Variants in POLQ observed in about 807,000 individuals in gnomAD.
POLQ encodes epididymis secretory sperm binding protein.
POLQ carries 233 observed loss-of-function variants against 259.2 expected under a neutral mutation model. That is an observed-to-expected ratio of 0.90 (90% confidence interval 0.81 to 1.00). The LOEUF is 1.00. Among genes scored for constraint, POLQ ranks in the 50% least tolerant of loss-of-function variants. The probability of loss-of-function intolerance (pLI) is 0.00; values close to 1 mark genes in which losing one functional copy is unlikely to be tolerated. For synonymous variants in POLQ, 1,025 were observed against 1,048.8 expected, an observed-to-expected ratio of 0.98 and a Z score of 0.44; for missense variants, 2,871 against 3,051.6, an observed-to-expected ratio of 0.94 and a Z score of 1.39.
chr3:121,455,592 A>T (rs1330911126), intron 25 of POLQ, among the ~76,000 whole-genome samples: 11 of 152,184 alleles, frequency 7.2e-5, no homozygotes, highest in Non-Finnish European at 1.5e-4. Flanking sequence ...ACCATCAGAG[A>T]ATACTACAAA....
chr3:121,494,398 G>C, intron 14 of POLQ: 1 of 1,561,200 alleles, frequency 6.4e-7, no homozygotes, highest in Non-Finnish European at 8.8e-7. Context: ...AGCTGCTTAA[G>C]CTGGCCCACA....
intron 25 of POLQ, among the ~76,000 whole-genome samples, chr3:121,458,373 C>T (rs541878080): frequency 6.6e-6 from 1 of 151,708 alleles, no homozygotes; most frequent in East Asian, 1.9e-4. Context: ...TACCCTAAAA[C>T]TTAAAGTATA....
In POLQ at chr3:121,544,737, T is replaced by A. The variant is rs769590710; in HGVS notation, c.333A>T (p.Leu111Phe). Residue 111 changes from leucine to phenylalanine, a missense_variant, in exon 2 of 30, where the codon TTA (leucine) becomes TTT (phenylalanine). This residue lies in a region of POLQ where 783 missense variants were observed against 906.2 expected (regional missense o/e 0.86). Transcript: ENST00000264233. ...LLGQVLEGKN[L>F]VYSAPTSAGK... ...CATAAATTTGGATACCTGAATAAAC[T>A]AAATTCTTTCCTTCCAGGACTTGTC... is the stretch of plus-strand genomic sequence containing the variant. 8 of 1,607,196 alleles carry A rather than the reference T, an allele frequency of 5.0e-6. No individual in the cohort carries two copies. The South Asian group carries it at 8.8e-5, about 18-fold the overall frequency.
chr3:121,514,888 C>T (rs1339285380), intron 9 of POLQ, among the ~76,000 whole-genome samples: 4 of 152,260 alleles, frequency 2.6e-5, no homozygotes, highest in South Asian at 2.1e-4. Context: ...CCAGGCCCAG[C>T]GTCAAAGCTC....
intron 16 of POLQ, 130 bp from the exon 17 acceptor site, chr3:121,485,314 G>A: frequency 1.8e-6 from 1 of 558,714 alleles, no homozygotes; most frequent in Admixed American, 3.6e-5. Flanking sequence ...TATGCATTTG[G>A]ACAGTCATTT....
At chr3:121,452,023 G>C (rs983036917) in intron 25 of POLQ, among the ~76,000 whole-genome samples, 3 of 151,880 alleles carry the variant, frequency 2.0e-5, no homozygotes, top group African/African-American at 7.2e-5. Flanking sequence ...CTGCCTTGCA[G>C]TTCGATCTCA....
At chr3:121,443,541 T>G (rs767220081) in intron 26 of POLQ, among the ~76,000 whole-genome samples, 19 of 152,346 alleles carry the variant, frequency 1.2e-4, no homozygotes, top group Middle Eastern at 3.4e-3. Context: ...TCTCCCATTC[T>G]GTGGGCTGTC....
Position 121,471,994 on chromosome 3 carries a change from A to G in POLQ, c.6714T>C (p.Ala2238=). Residue 2238 remains alanine, a synonymous_variant, in exon 22 of 30, where the codon GCT becomes GCC. Transcript: ENST00000264233. ...ATACTTAAGATTTCTCATCACCTGT[A>G]GCAGTGTGCGACTGTGATACAGGAT... ...RIYPVSQSHT[A]TGRITFTEPN... The G allele has an allele frequency of 6.8e-7, 1 of 1,478,910 alleles. No individual in the cohort carries two copies. Among genetic ancestry groups the G allele is most frequent in the South Asian group, 1.4e-5 (1 of 70,488 alleles). The allele number at this position is 1,478,910 out of a possible 1,614,324, so 91.6% of individuals were successfully genotyped here.
intron 2 of POLQ, among the ~76,000 whole-genome samples, chr3:121,544,375 T>C (rs2048513368): frequency 1.3e-5 from 2 of 151,872 alleles, no homozygotes; most frequent in Admixed American, 6.6e-5. Flanking sequence ...TTAACAAACA[T>C]GTAATGATAA....
intron 14 of POLQ, among the ~76,000 whole-genome samples, chr3:121,495,464 T>C (rs1245415282): frequency 6.6e-6 from 1 of 152,114 alleles, no homozygotes; most frequent in East Asian, 1.9e-4. Context: ...AAGACATTTG[T>C]TGAATTAAAA....
At chr3:121,452,652 G>A (rs184433473) in intron 25 of POLQ, among the ~76,000 whole-genome samples, 5 of 152,094 alleles carry the variant, frequency 3.3e-5, no homozygotes, top group African/African-American at 7.2e-5. Context: ...AGTTGTCTCC[G>A]GCGGATAAGT....
At chr3:121,526,556 C>T (rs1210858658) in intron 7 of POLQ, among the ~76,000 whole-genome samples, 1 of 152,092 alleles carries the variant, frequency 6.6e-6, no homozygotes, top group Non-Finnish European at 1.5e-5. Flanking sequence ...TCTGTTCAGG[C>T]AGATATCCTT....
At chr3:121,437,192 G>C (rs2047550975) in intron 27 of POLQ, among the ~76,000 whole-genome samples, 2 of 152,042 alleles carry the variant, frequency 1.3e-5, no homozygotes, top group African/African-American at 4.8e-5. Flanking sequence ...AACATAGTGA[G>C]ACCCTGTCTT....
At chr3:121,459,369 A>ATTTTTTTTTTTTTTTTTTTTTTTTT (rs58859161) in intron 25 of POLQ, among the ~76,000 whole-genome samples, 15 of 104,738 alleles carry the variant, frequency 1.4e-4, no homozygotes, top group Non-Finnish European at 1.4e-4. Flanking sequence ...GACTAGAAAG[A>ATTTTTTTTTTTTTTTTTTTTTTTTT]TTTTTTTTTT....
At chr3:121,439,958 G>A (rs2047576235) in intron 27 of POLQ, 34 bp downstream of exon 27, 1 of 1,575,378 alleles carries the variant, frequency 6.3e-7, no homozygotes. Context: ...TCATTGAAAT[G>A]TTAAGTTAAA....
chr3:121,522,299 T>C, intron 7 of POLQ, 150 bp from the exon 8 acceptor site: 1 of 245,588 alleles, frequency 4.1e-6, no homozygotes, highest in South Asian at 1.2e-4. Context: ...TTTTTTTTTT[T>C]TTTTTTTTTT....
chr3:121,495,939 A>G lies in POLQ; in HGVS notation c.2278+869T>C, dbSNP rs142892683. On this transcript the variant is annotated intron_variant, in intron 14 of 29. Coordinates refer to ENST00000264233, the MANE Select transcript of POLQ (RefSeq NM_199420.4). ...CCCCGCAGTACTCCCTCATAAGCAC[A>G]TATCTTCACGATGAAACCTATTATA... Among the ~76,000 whole-genome samples the G allele has an allele frequency of 2.4e-3, 359 of 151,658 alleles. 2 individuals carry two copies. Among genetic ancestry groups the G allele is most frequent in the African/African-American group, 7.9e-3 (328 of 41,322 alleles).
At position 121,534,370 on chromosome 3, in the gene POLQ, C is replaced by T. The variant is rs943094169; in HGVS notation, c.741-1161G>A. Among the ~76,000 whole-genome samples, 42 of 151,694 alleles carry T rather than the reference C, an allele frequency of 2.8e-4. 1 individual carries two copies. The highest frequency in any genetic ancestry group is 8.8e-5 in the Non-Finnish European group (6 of 67,974). On this transcript the variant is annotated intron_variant, in intron 5 of 29. Transcript: ENST00000264233. The stretch of plus-strand genomic sequence containing the variant: ...TTTGAGACAGGGTCTAGCTCTGTCA[C>T]CCAGGCTGGAGTGCAAAGGCACGAT...
At chr3:121,492,273 GT>G (rs1373625386) in intron 15 of POLQ, among the ~76,000 whole-genome samples, 1 of 152,158 alleles carries the variant, frequency 6.6e-6, no homozygotes, top group Non-Finnish European at 1.5e-5. Flanking sequence ...GTACCTGAAA[GT>G]AACTAAATAC....
Sources: allele counts gnomAD v4.1 joint callset (sites outside exome capture counted in the v4.1 genomes callset), GRCh38; gene constraint gnomAD v4.1.1; regional missense constraint gnomAD v4.1.1; transcripts MANE v1.5; gene names NCBI Gene and HGNC (gene_info 2026-07-23, HGNC 2026-07-21).